ERC1: variants seen among roughly 807,000 people sequenced by gnomAD.
ERC1 encodes RAB6 interacting protein 2.
In ERC1, 56 loss-of-function variants were observed where a neutral mutation model predicts 132.0. The observed-to-expected ratio is 0.42, with a 90% confidence interval of 0.34 to 0.53. The LOEUF is 0.53. ERC1 is among the 20% of genes least tolerant of loss of function. The probability of loss-of-function intolerance (pLI) is 0.03; values close to 1 mark genes in which losing one functional copy is unlikely to be tolerated. For missense variants in ERC1, 1,202 were observed against 1,349.9 expected, an observed-to-expected ratio of 0.89 and a Z score of 1.72; for synonymous variants, 478 against 476.1, an observed-to-expected ratio of 1.00 and a Z score of -0.05.
chr12:1,258,102 G>T (rs2154320322), intron 13 of ERC1, among the ~76,000 whole-genome samples: 1 of 152,284 alleles, frequency 6.6e-6, no homozygotes, highest in African/African-American at 2.4e-5. Context: ...GGCAGATTAA[G>T]AATGCCTATA....
intron 2 of ERC1, among the ~76,000 whole-genome samples, chr12:1,042,471 G>T (rs979930980): frequency 6.7e-6 from 1 of 150,244 alleles, no homozygotes; most frequent in East Asian, 2.0e-4. Flanking sequence ...TCAGCCTCCA[G>T]AGTAGCTGGG....
rs376641647 is a variant in ERC1, at chr12:1,440,316, T to G, written c.3025-4246T>G. 3.0e-4 allele frequency among the ~76,000 whole-genome samples: 43 copies of G among 145,718 alleles called. 1 individual carries two copies. The highest frequency in any genetic ancestry group is 9.6e-4 in the African/African-American group (37 of 38,594). Reference sequence around the variant, plus strand: ...GCCTCCTGGGTTCACGCCATTCTCCTGCCTCAGCCTCCCGAGTAGCTGGGA... The same window carrying G: ...GCCTCCTGGGTTCACGCCATTCTCCGGCCTCAGCCTCCCGAGTAGCTGGGA... On this transcript the variant is annotated intron_variant, in intron 17 of 18. Coordinates refer to ENST00000360905, the MANE Select transcript of ERC1 (RefSeq NM_178040.4).
At chr12:1,400,266 T>G in intron 16 of ERC1, among the ~76,000 whole-genome samples, 1 of 152,240 alleles carries the variant, frequency 6.6e-6, no homozygotes, top group East Asian at 1.9e-4. Flanking sequence ...TTGCTCATTT[T>G]TAATTGGGGT....
intron 2 of ERC1, among the ~76,000 whole-genome samples, chr12:1,045,273 T>C (rs1386298688): frequency 6.6e-6 from 1 of 152,158 alleles, no homozygotes; most frequent in Non-Finnish European, 1.5e-5. Context: ...ATTAAAATTG[T>C]AGCATTACAT....
At chr12:1,059,303 T>C (rs1167916872) in intron 2 of ERC1, among the ~76,000 whole-genome samples, 1 of 152,232 alleles carries the variant, frequency 6.6e-6, no homozygotes, top group Non-Finnish European at 1.5e-5. Flanking sequence ...ACTGCCTCTT[T>C]TGCAATCTGG....
chr12:1,306,341 A>G (rs1201626820), intron 15 of ERC1, among the ~76,000 whole-genome samples: 1 of 152,210 alleles, frequency 6.6e-6, no homozygotes, highest in East Asian at 1.9e-4. Flanking sequence ...GGCTTGTTCC[A>G]TGTGGCAATT....
intron 7 of ERC1, among the ~76,000 whole-genome samples, chr12:1,138,598 A>T (rs1056616068): frequency 4.6e-5 from 7 of 151,978 alleles, no homozygotes; most frequent in African/African-American, 1.7e-4. Context: ...AGATGTGTTC[A>T]GTAGGCAGAT....
At chr12:1,179,707 C>T (rs1260865209) in intron 8 of ERC1, among the ~76,000 whole-genome samples, 1 of 151,866 alleles carries the variant, frequency 6.6e-6, no homozygotes, top group Non-Finnish European at 1.5e-5. Flanking sequence ...CGGGGTTTCA[C>T]CGTTTTAGCT....
At chr12:1,095,100 C>G (rs1481889479) in intron 3 of ERC1, among the ~76,000 whole-genome samples, 2 of 152,094 alleles carry the variant, frequency 1.3e-5, no homozygotes, top group Non-Finnish European at 2.9e-5. Context: ...AGTTGACTTA[C>G]TTTTACAAAG....
chr12:1,180,647 G>T lies in ERC1; in HGVS notation c.1845G>T (p.Leu615Phe). 1 of 1,613,986 alleles carries T rather than the reference G, an allele frequency of 6.2e-7. No homozygotes were observed. The highest frequency in any genetic ancestry group is 8.5e-7 in the Non-Finnish European group (1 of 1,180,032). The change falls in exon 9 of 19, where the codon TTG becomes TTT. Residue 615 changes from leucine to phenylalanine, a missense_variant. Physicochemically the swap from Leu to Phe is conservative, Grantham distance 22. Coordinates refer to ENST00000360905, the MANE Select transcript of ERC1 (RefSeq NM_178040.4). ...ACACCACCAACACTGACACTGCCTT[G>T]ACAACTTTGGAGGAGGCCCTTGCAG... ...QADTTNTDTA[L>F]TTLEEALAEK...
chr12:1,452,529 T>C (rs1300866406), intron 18 of ERC1, among the ~76,000 whole-genome samples: 5 of 152,256 alleles, frequency 3.3e-5, no homozygotes, highest in Non-Finnish European at 1.5e-5. Flanking sequence ...AGATATATCT[T>C]CTGCCCACTT....
chr12:1,426,314 A>G (rs923813201), intron 17 of ERC1, among the ~76,000 whole-genome samples: 1 of 152,096 alleles, frequency 6.6e-6, no homozygotes, highest in African/African-American at 2.4e-5. Flanking sequence ...CGTGTTGGCC[A>G]GGCTGGTCTC....
chr12:1,452,044 A>T (rs998494610), intron 18 of ERC1, among the ~76,000 whole-genome samples: 2 of 152,166 alleles, frequency 1.3e-5, no homozygotes, highest in African/African-American at 2.4e-5. Flanking sequence ...TAATACTTTG[A>T]TGTTGGATTT....
At position 1,083,303 on chromosome 12, in the gene ERC1, T is replaced by C; in HGVS notation, c.809T>C (p.Leu270Pro). Reference protein sequence around the residue: ...AELTEENFQRLHAEHERQAKE... With the variant: ...AELTEENFQRPHAEHERQAKE... ...CTGACAGAGGAGAACTTTCAGAGGC[T>C]TCATGCTGAGCATGAGCGGCAGGCC... The change falls in exon 3 of 19, where the codon CTT becomes CCT. Residue 270 changes from leucine (L) to proline (P), a missense_variant. Leu to Pro is a moderately conservative substitution (Grantham distance 98). Transcript: ENST00000360905. The C allele has an allele frequency of 6.2e-7, 1 of 1,614,188 alleles. No homozygotes were observed. Among genetic ancestry groups the C allele is most frequent in the African/African-American group, 1.3e-5 (1 of 75,052 alleles).
chr12:1,148,056 A>G (rs1352376267), intron 8 of ERC1, among the ~76,000 whole-genome samples: 1 of 152,240 alleles, frequency 6.6e-6, no homozygotes, highest in Non-Finnish European at 1.5e-5. Context: ...TCATGAGAAC[A>G]TGACAGCAAG....
intron 16 of ERC1, among the ~76,000 whole-genome samples, chr12:1,375,897 C>T (rs776015968): frequency 2.6e-5 from 4 of 151,974 alleles, no homozygotes; most frequent in Non-Finnish European, 5.9e-5. Flanking sequence ...CCACCGCGCC[C>T]GGCTAATTTT....
chr12:1,417,359 C>T lies in ERC1; in HGVS notation c.3024+9112C>T, dbSNP rs1325569401. ...TACTCAGCAGGTCCCTTCTGTGTGC[C>T]TCTATCTTCTCTAAGTCACCATCTC... On this transcript the variant is annotated intron_variant, in intron 17 of 18. Coordinates refer to ENST00000360905, the MANE Select transcript of ERC1 (RefSeq NM_178040.4). Among the ~76,000 whole-genome samples the T allele has an allele frequency of 2.6e-5, 4 of 152,000 alleles. No homozygotes were observed. In the East Asian group the frequency reaches 7.7e-4, roughly 29 times the overall value.
intron 16 of ERC1, among the ~76,000 whole-genome samples, chr12:1,390,080 A>G (rs928658902): frequency 1.3e-5 from 2 of 152,152 alleles, no homozygotes; most frequent in South Asian, 2.1e-4. Flanking sequence ...TGACCTTTGT[A>G]TATTTGGGTG....
At chr12:1,346,451 A>C (rs2084461462) in intron 15 of ERC1, among the ~76,000 whole-genome samples, 1 of 152,184 alleles carries the variant, frequency 6.6e-6, no homozygotes, top group South Asian at 2.1e-4. Context: ...TTCTGGGCTT[A>C]GAATAGGGTA....
Sources: allele counts gnomAD v4.1 joint callset (sites outside exome capture counted in the v4.1 genomes callset), GRCh38; gene constraint gnomAD v4.1.1; transcripts MANE v1.5; gene names NCBI Gene and HGNC (gene_info 2026-07-23, HGNC 2026-07-21).